Variants in TPR observed in about 807,000 individuals in gnomAD.
The protein encoded by TPR is nucleoprotein TPR.
TPR carries 51 observed loss-of-function variants against 316.1 expected under a neutral mutation model. The ratio of observed to expected loss-of-function variants is 0.16; its 90% confidence interval spans 0.13 to 0.20. The LOEUF (loss-of-function observed/expected upper bound fraction) is 0.20. TPR is among the 10% of genes least tolerant of loss of function. The pLI is 1.00. For missense variants in TPR, 2,272 were observed against 2,754.8 expected (o/e 0.82, Z 3.92); for synonymous variants, 981 against 914.7 (o/e 1.07, Z -1.31).
chr1:186,312,912 A>G lies in TPR; in HGVS notation c.*1059T>C. 6.2e-7 allele frequency: 1 copy of G among 1,604,576 alleles called. No homozygotes were observed. Among genetic ancestry groups the G allele is most frequent in the Non-Finnish European group, 8.5e-7 (1 of 1,171,368 alleles). ...TTCTAAAGGTAAGGTATTAACTAAC[A>G]GTTTCCCAAGGAGGTGATATCATTT... is the stretch of plus-strand genomic sequence containing the variant. On this transcript the variant is annotated 3_prime_UTR_variant, in exon 51 of 51. Coordinates refer to ENST00000367478, the MANE Select transcript of TPR (RefSeq NM_003292.3).
intron 45 of TPR, 119 bp downstream of exon 45, chr1:186,322,199 T>C (rs1657794341): frequency 5.5e-6 from 5 of 917,404 alleles, no homozygotes; most frequent in African/African-American, 1.7e-5. Context: ...CAAGTACTTA[T>C]TAGTACATAG....
chr1:186,322,173 C>G (rs982729365), intron 45 of TPR, 145 bp downstream of exon 45: 29 of 720,014 alleles, frequency 4.0e-5, no homozygotes, highest in Non-Finnish European at 6.3e-5. Context: ...ACAATACATC[C>G]TCAACTGACC....
chr1:186,323,703 A>C lies in TPR; in HGVS notation c.6280T>G (p.Leu2094Val), dbSNP rs1657835209. The C allele has an allele frequency of 4.0e-6, 6 of 1,498,912 alleles. No homozygotes were observed. In the South Asian group the frequency reaches 8.4e-5, roughly 21 times the overall value. The allele number at this position is 1,498,912 out of a possible 1,614,324, so 92.9% of individuals were successfully genotyped here. ...RLTIHAPPQE[L>V]GPPVQRIQMT... The stretch of plus-strand genomic sequence containing the variant: ...TTTAATACCTGAACTGGTGGTCCCA[A>C]CTCCTGAGGTGGGGCATGAATGGTC... Residue 2094 changes from leucine to valine, a missense_variant, in exon 43 of 51, where the codon TTG becomes GTG. Around this residue, in one of 10 missense-constraint regions of TPR, gnomAD observed 435 missense variants for 461.1 expected, o/e 0.94. Coordinates refer to ENST00000367478, the MANE Select transcript of TPR (RefSeq NM_003292.3).
At chr1:186,338,441 A>G (rs574789967) in intron 30 of TPR, among the ~76,000 whole-genome samples, 198 bp from the exon 31 acceptor site, 2 of 152,318 alleles carry the variant, frequency 1.3e-5, no homozygotes, top group Admixed American at 1.3e-4. Flanking sequence ...GTTTACATGC[A>G]CATTTTAGAG....
At position 186,350,245 on chromosome 1, in the gene TPR, C is replaced by A. The variant is rs1405973203; in HGVS notation, c.2754G>T (p.Gln918His). The A allele has an allele frequency of 4.3e-6, 7 of 1,610,764 alleles. 1 individual carries two copies. Among genetic ancestry groups the A allele is most frequent in the East Asian group, 2.2e-5 (1 of 44,742 alleles). ...LSNMEVQVAS[Q>H]SSQRTGKGQP... Reference sequence around the variant, plus strand: ...TACCTTTACCAGTTCTCTGTGAAGACTGAGAAGCAACTTGGACTTCCATAT... The same window carrying A: ...TACCTTTACCAGTTCTCTGTGAAGAATGAGAAGCAACTTGGACTTCCATAT... Residue 918 changes from glutamine to histidine, a missense_variant, in exon 21 of 51, where the codon CAG (glutamine) becomes CAT (histidine). Physicochemically the swap from Gln to His is conservative, Grantham distance 24 (BLOSUM62 0). Transcript: ENST00000367478.
intron 15 of TPR, among the ~76,000 whole-genome samples, chr1:186,356,081 C>A (rs1659020643): frequency 6.6e-6 from 1 of 151,992 alleles, no homozygotes; most frequent in Non-Finnish European, 1.5e-5. Flanking sequence ...CTGAAATGCA[C>A]CTTTTTCAAC....
In TPR at chr1:186,311,735, A is replaced by T. The variant is rs1406255473; in HGVS notation, c.*2236T>A. On this transcript the variant is annotated 3_prime_UTR_variant, in exon 51 of 51. Coordinates refer to ENST00000367478, the MANE Select transcript of TPR (RefSeq NM_003292.3). ...TTTTCAGTGAAAAAAATCAATATTG[A>T]GGGTAGTATTCTTATTGCCCTCAAT... The T allele has an allele frequency of 1.1e-6, 1 of 930,742 alleles. No homozygotes were observed. Among genetic ancestry groups the T allele is most frequent in the Non-Finnish European group, 1.6e-6 (1 of 615,816 alleles). 57.7% of individuals were successfully genotyped at this position (930,742 alleles called of 1,614,324 possible). A position where few individuals can be genotyped will look rare whatever the true frequency, so the allele number is the denominator to read the frequency against.
Position 186,327,613 on chromosome 1 carries a change from G to T in TPR, c.5736C>A (p.Thr1912=). 1 of 1,612,968 alleles carries T rather than the reference G, an allele frequency of 6.2e-7. No homozygotes were observed. Among genetic ancestry groups the T allele is most frequent in the Non-Finnish European group, 8.5e-7 (1 of 1,179,740 alleles). Residue 1912 remains threonine, a synonymous_variant, in exon 40 of 51, where the codon ACC becomes ACA. Transcript: ENST00000367478. The part of the protein sequence containing the change: ...DYTPMEDSEE[T]SQSLQIDLGP... ...CAAGATCTATTTGTAGAGACTGAGA[G>T]GTTTCTTCACTGTCTTCCATAGGTG...
In TPR at chr1:186,360,770, C is replaced by A; in HGVS notation, c.1094G>T (p.Arg365Leu). Residue 365 changes from arginine to leucine, a missense_variant, in exon 10 of 51, where the codon CGT becomes CTT. This residue lies in a region of TPR where 549 missense variants were observed against 598.6 expected (regional missense o/e 0.92). Transcript: ENST00000367478. ...NANDLLSATKRKGAILSEEEL... is the reference protein window; with the variant it reads ...NANDLLSATKLKGAILSEEEL... ...CAAGCATCTATTAGCCATACCTTTACGTTTTGTGGCAGAAAGAAGGTCATT... is the reference window on the plus strand; with the variant it reads ...CAAGCATCTATTAGCCATACCTTTAAGTTTTGTGGCAGAAAGAAGGTCATT... The A allele has an allele frequency of 6.2e-7, 1 of 1,612,690 alleles. No individual in the cohort carries two copies. Among genetic ancestry groups the A allele is most frequent in the Non-Finnish European group, 8.5e-7 (1 of 1,179,110 alleles).
In TPR at chr1:186,311,742, T is replaced by A. The variant is rs965211679; in HGVS notation, c.*2229A>T. The stretch of plus-strand genomic sequence containing the variant: ...TGAAAAAAATCAATATTGAGGGTAG[T>A]ATTCTTATTGCCCTCAATTTTTATT... On this transcript the variant is annotated 3_prime_UTR_variant, in exon 51 of 51. Coordinates refer to ENST00000367478, the MANE Select transcript of TPR (RefSeq NM_003292.3). 1.7e-4 allele frequency: 139 copies of A among 841,700 alleles called. No individual in the cohort carries two copies. The highest frequency in any genetic ancestry group is 2.4e-4 in the Non-Finnish European group (129 of 545,598). The allele number at this position is 841,700 out of a possible 1,614,324, so 52.1% of individuals were successfully genotyped here.
chr1:186,346,293 C>T lies in TPR; in HGVS notation c.2944-6G>A, dbSNP rs768749377. The stretch of plus-strand genomic sequence containing the variant: ...TTACGCACTTCTTCTGTCACCTTTA[C>T]CATATTACAAACAGTAGGATATAAA... On this transcript the variant is annotated splice_polypyrimidine_tract_variant and splice_region_variant and intron_variant, in intron 22 of 50. Transcript: ENST00000367478. 27 of 1,608,714 alleles carry T rather than the reference C, an allele frequency of 1.7e-5. No individual in the cohort carries two copies. The highest frequency in any genetic ancestry group is 2.2e-5 in the Non-Finnish European group (26 of 1,177,892).
chr1:186,360,023 A>G (rs1571633028), intron 11 of TPR, 27 bp from the exon 12 acceptor site: 2 of 1,593,352 alleles, frequency 1.3e-6, no homozygotes, highest in East Asian at 2.2e-5. Context: ...GGTTGTTTCA[A>G]ATCTAACCAT....
At chr1:186,326,622 T>C (rs770223136) in intron 40 of TPR, among the ~76,000 whole-genome samples, 24 of 152,024 alleles carry the variant, frequency 1.6e-4, no homozygotes, top group Middle Eastern at 6.8e-3. Flanking sequence ...GCTGTCAATA[T>C]AGGATTAAAC....
rs181189572 is a variant in TPR, at chr1:186,330,533, T to C, written c.5688+965A>G. On this transcript the variant is annotated intron_variant, in intron 39 of 50. Transcript: ENST00000367478. ...CCCCAAAGTGAACATGGGATGTATA[T>C]TATATATATTTACCTACTGTTTATA... Among the ~76,000 whole-genome samples, 122 of 152,184 alleles carry C rather than the reference T, an allele frequency of 8.0e-4. No individual in the cohort carries two copies. In the Middle Eastern group the frequency reaches 0.014, roughly 17 times the overall value.
chr1:186,318,220 T>G (rs1172959444), intron 48 of TPR, among the ~76,000 whole-genome samples: 2 of 152,068 alleles, frequency 1.3e-5, no homozygotes, highest in African/African-American at 4.8e-5. Flanking sequence ...TCCCAGCTAC[T>G]TGGGAGGCTG....
At position 186,360,299 on chromosome 1, in the gene TPR, C is replaced by T. The variant is rs748741818; in HGVS notation, c.1165G>A (p.Val389Met). ...TCAGTTAGTTTCATCCCAGGTTTCA[C>T]TATCTTAGCTACAGCTGCTGCAGTA... ...SPTAAAVAKIVKPGMKLTELY... is the reference protein window; with the variant it reads ...SPTAAAVAKIMKPGMKLTELY... The change falls in exon 11 of 51, where the codon GTG becomes ATG. Residue 389 changes from valine (V) to methionine (M), a missense_variant. Physicochemically the swap from Val to Met is conservative, Grantham distance 21. Coordinates refer to ENST00000367478, the MANE Select transcript of TPR (RefSeq NM_003292.3). 6 of 1,613,222 alleles carry T rather than the reference C, an allele frequency of 3.7e-6. No homozygotes were observed. The African/African-American group carries it at 8.0e-5, about 22-fold the overall frequency.
intron 3 of TPR, among the ~76,000 whole-genome samples, chr1:186,368,855 C>T (rs1436612760): frequency 2.0e-5 from 3 of 152,072 alleles, no homozygotes; most frequent in Non-Finnish European, 4.4e-5. Context: ...CCCCTATGTT[C>T]ACTTCTCTGA....
intron 4 of TPR, among the ~76,000 whole-genome samples, chr1:186,364,236 T>C (rs143829278): frequency 1.3e-5 from 2 of 152,272 alleles, no homozygotes; most frequent in East Asian, 1.9e-4. Flanking sequence ...ACTAGTGATG[T>C]TGGAAGTACT....
At chr1:186,371,699 T>A (rs1012732631) in intron 2 of TPR, among the ~76,000 whole-genome samples, 1 of 152,202 alleles carries the variant, frequency 6.6e-6, no homozygotes, top group Non-Finnish European at 1.5e-5. Context: ...GTTGGCAATT[T>A]AATAAGCAAA....
Sources: gnomAD v4.1 joint callset for allele counts (sites outside exome capture counted in the v4.1 genomes callset) on GRCh38, gnomAD v4.1.1 for gene constraint, gnomAD v4.1.1 regional missense constraint, MANE v1.5 for transcripts, NCBI Gene and HGNC (gene_info 2026-07-23, HGNC 2026-07-21) for gene names.